SPMIP3: variants seen among roughly 807,000 people sequenced by gnomAD.
SPMIP3 encodes the protein sperm microtubule inner protein 3, also known as protein SPMIP3.
At chr1:244,381,906 G>A in the SPMIP3 span, among the ~76,000 whole-genome samples, 1 of 152,214 alleles carries the variant, frequency 6.6e-6, no homozygotes, top group Non-Finnish European at 1.5e-5. Context: ...GCATGACAGT[G>A]ACAGAGCAAG....
the SPMIP3 span, among the ~76,000 whole-genome samples, chr1:244,370,505 C>T: frequency 6.6e-6 from 1 of 152,234 alleles, no homozygotes; most frequent in Non-Finnish European, 1.5e-5. Flanking sequence ...AGATTATGAA[C>T]TCTTGAGTGG....
chr1:244,380,343 C>A, the SPMIP3 span, among the ~76,000 whole-genome samples: 16 of 152,180 alleles, frequency 1.1e-4, no homozygotes, highest in Admixed American at 6.5e-4. Context: ...TGGTCTCGAA[C>A]TCCTGATCTG....
the SPMIP3 span, among the ~76,000 whole-genome samples, chr1:244,359,570 A>C: frequency 1.3e-5 from 2 of 152,074 alleles, no homozygotes; most frequent in Admixed American, 1.3e-4. Context: ...AAAAATACAA[A>C]AAATTAGCTG....
chr1:244,359,384 T>C, the SPMIP3 span, among the ~76,000 whole-genome samples: 1 of 152,108 alleles, frequency 6.6e-6, no homozygotes, highest in Non-Finnish European at 1.5e-5. Context: ...AACCAGAATA[T>C]ATAAAAAGCT....
At chr1:244,382,846 C>T in the SPMIP3 span, among the ~76,000 whole-genome samples, 1 of 151,900 alleles carries the variant, frequency 6.6e-6, no homozygotes, top group Non-Finnish European at 1.5e-5. Context: ...TCGTGATCTG[C>T]CTGACTTGGC....
At chr1:244,354,553 G>C in the SPMIP3 span, among the ~76,000 whole-genome samples, 4 of 152,010 alleles carry the variant, frequency 2.6e-5, no homozygotes, top group South Asian at 2.1e-4. Flanking sequence ...GTAGAAACAG[G>C]TTTCAACATG....
chr1:244,355,660 A>G, the SPMIP3 span, among the ~76,000 whole-genome samples: 1 of 152,238 alleles, frequency 6.6e-6, no homozygotes, highest in Non-Finnish European at 1.5e-5. Flanking sequence ...TGCTGGGATT[A>G]CAGGCATGAG....
the SPMIP3 span, among the ~76,000 whole-genome samples, chr1:244,381,836 C>T: frequency 6.6e-6 from 1 of 152,190 alleles, no homozygotes; most frequent in Non-Finnish European, 1.5e-5. Context: ...GAGGCTGAGG[C>T]AGGAGAATTG....
At chr1:244,375,814 G>T in the SPMIP3 span, among the ~76,000 whole-genome samples, 1 of 151,956 alleles carries the variant, frequency 6.6e-6, no homozygotes, top group East Asian at 1.9e-4. Context: ...ACAGGCACAC[G>T]TTACCATACC....
At chr1:244,372,680 C>CAT in the SPMIP3 span, among the ~76,000 whole-genome samples, 104 of 152,066 alleles carry the variant, frequency 6.8e-4, no homozygotes, top group East Asian at 9.1e-3. Context: ...CCTGACCTTG[C>CAT]GATCCGCCCG....
At chr1:244,353,053 C>A in the SPMIP3 span, among the ~76,000 whole-genome samples, 1 of 152,148 alleles carries the variant, frequency 6.6e-6, no homozygotes, top group Non-Finnish European at 1.5e-5. Context: ...ACTAGATTAA[C>A]AGGTTACTGA....
chr1:244,377,027 C>T, the SPMIP3 span, among the ~76,000 whole-genome samples: 1 of 151,828 alleles, frequency 6.6e-6, no homozygotes. Flanking sequence ...AGGGTGGTCT[C>T]GAACTCCTGA....
the SPMIP3 span, among the ~76,000 whole-genome samples, chr1:244,367,926 G>T: frequency 6.6e-6 from 1 of 152,114 alleles, no homozygotes; most frequent in East Asian, 1.9e-4. Flanking sequence ...CCGGGTTTCA[G>T]GAAGGAAAGG....
the SPMIP3 span, among the ~76,000 whole-genome samples, chr1:244,385,253 CA>C: frequency 6.6e-6 from 1 of 152,172 alleles, no homozygotes; most frequent in Non-Finnish European, 1.5e-5. Context: ...CAAGGATTTA[CA>C]TTTATGTTCA....
the SPMIP3 span, among the ~76,000 whole-genome samples, chr1:244,384,290 G>A: frequency 3.3e-5 from 5 of 152,072 alleles, no homozygotes; most frequent in Admixed American, 3.3e-4. Flanking sequence ...CGCAGCCTTG[G>A]CAGCCCAGGC....
the SPMIP3 span, among the ~76,000 whole-genome samples, chr1:244,370,165 C>T: frequency 6.6e-6 from 1 of 152,208 alleles, no homozygotes; most frequent in Non-Finnish European, 1.5e-5. Flanking sequence ...AATACCAACA[C>T]CTTGGGAGAT....
At chr1:244,359,595 C>A in the SPMIP3 span, among the ~76,000 whole-genome samples, 6 of 151,568 alleles carry the variant, frequency 4.0e-5, no homozygotes, top group Non-Finnish European at 8.8e-5. Flanking sequence ...TGGTGGCGGG[C>A]GCCTGTAATC....
the SPMIP3 span, among the ~76,000 whole-genome samples, chr1:244,377,466 C>T: frequency 3.3e-5 from 5 of 152,156 alleles, no homozygotes; most frequent in East Asian, 1.9e-4. Flanking sequence ...CATATTTCTG[C>T]GTCATTGTCT....
the SPMIP3 span, among the ~76,000 whole-genome samples, chr1:244,353,275 C>T: frequency 4.6e-5 from 7 of 151,980 alleles, no homozygotes; most frequent in East Asian, 1.9e-4. Context: ...CCAAGCGTGG[C>T]GGCTCACACC....
Sources: gnomAD v4.1 joint callset for allele counts (sites outside exome capture counted in the v4.1 genomes callset) on GRCh38, gnomAD v4.1.1 for gene constraint, MANE v1.5 for transcripts, NCBI Gene and HGNC (gene_info 2026-07-23, HGNC 2026-07-21) for gene names.